The following SDK1 variants were observed in gnomAD, a reference collection of about 807,000 sequenced individuals.
The protein encoded by SDK1 is protein sidekick-1.
A neutral mutation model predicts 245.5 loss-of-function variants in SDK1; 157 were observed. The ratio of observed to expected loss-of-function variants is 0.64; its 90% confidence interval spans 0.56 to 0.73. SDK1 has a LOEUF of 0.73. SDK1 is among the 30% of genes least tolerant of loss of function. The probability of loss-of-function intolerance (pLI) is 0.00; values close to 1 mark genes in which losing one functional copy is unlikely to be tolerated. For synonymous variants in SDK1, 1,647 were observed against 1,278.5 expected (o/e 1.29, Z -6.15); for missense variants, 3,583 against 3,002.3 (o/e 1.19, Z -4.52).
chr7:3,998,977 A>G (rs1784876060), intron 14 of SDK1, among the ~76,000 whole-genome samples: 1 of 152,180 alleles, frequency 6.6e-6, no homozygotes, highest in South Asian at 2.1e-4. Context: ...AACTGCTTAG[A>G]ACATCTCCAT....
intron 1 of SDK1, among the ~76,000 whole-genome samples, chr7:3,564,947 G>A (rs1583171399): frequency 6.6e-6 from 1 of 152,084 alleles, no homozygotes; most frequent in Non-Finnish European, 1.5e-5. Flanking sequence ...CTGTTTAGGA[G>A]ACAAATCTGG....
chr7:3,968,084 ACT>A (rs781675746), intron 10 of SDK1, among the ~76,000 whole-genome samples: 1 of 152,164 alleles, frequency 6.6e-6, no homozygotes, highest in Non-Finnish European at 1.5e-5. Flanking sequence ...ATGTGAAGTC[ACT>A]CTGCTAGCAC....
rs762428800 is a variant in SDK1 at position 4,266,886 on chromosome 7, C to T, written c.*1502C>T. The T allele has an allele frequency of 5.3e-5, 52 of 985,506 alleles. No individual in the cohort carries two copies. Among genetic ancestry groups the T allele is most frequent in the Admixed American group, 3.1e-4 (5 of 16,292 alleles). 61.0% of individuals were successfully genotyped at this position (985,506 alleles called of 1,614,324 possible). A position where few individuals can be genotyped will look rare whatever the true frequency, so the allele number is the denominator to read the frequency against. On this transcript the variant is annotated 3_prime_UTR_variant, in exon 45 of 45. Transcript: ENST00000404826. ...TCAGTGCCCCCCAGTGCACGGCAAA[C>T]GGGCAGGTGCCGTTCCCCCAGTGAC... is the stretch of plus-strand genomic sequence containing the variant.
rs532649491 is a variant in SDK1 at position 3,433,592 on chromosome 7, A to G, written c.298+131708A>G. ...GAAACAATTTTCTAGCACAATGACT[A>G]AGTGAATTGCTACATTAAAGACTGG... On this transcript the variant is annotated intron_variant, in intron 1 of 44. Transcript: ENST00000404826. Among the ~76,000 whole-genome samples the G allele has an allele frequency of 7.2e-5, 11 of 152,298 alleles. No individual in the cohort carries two copies. In the Middle Eastern group the frequency reaches 0.017, roughly 235 times the overall value.
chr7:3,656,254 G>A (rs984915494), intron 4 of SDK1, among the ~76,000 whole-genome samples: 6 of 152,118 alleles, frequency 3.9e-5, no homozygotes, highest in African/African-American at 1.4e-4. Context: ...ACTCAAGTGA[G>A]TCCCACTGCT....
At chr7:3,614,070 C>T (rs1383571519) in intron 1 of SDK1, among the ~76,000 whole-genome samples, 1 of 152,136 alleles carries the variant, frequency 6.6e-6, no homozygotes, top group Non-Finnish European at 1.5e-5. Flanking sequence ...AACAAACCCC[C>T]ATAGCACAAG....
Position 4,145,714 on chromosome 7 carries a change from G to C in SDK1, c.4229-8G>C. On this transcript the variant is annotated splice_region_variant and splice_polypyrimidine_tract_variant and intron_variant, in intron 28 of 44. Coordinates refer to ENST00000404826, the MANE Select transcript of SDK1 (RefSeq NM_152744.4). ...TCAGCAGCTGTCTCCCATGTCACCT[G>C]CCTGCAGGGTACCAGATTGCCTACC... 1 of 1,594,582 alleles carries C rather than the reference G, an allele frequency of 6.3e-7. No individual in the cohort carries two copies. Among genetic ancestry groups the C allele is most frequent in the Non-Finnish European group, 8.5e-7 (1 of 1,169,930 alleles).
At chr7:4,226,630 G>A (rs1785463919) in intron 40 of SDK1, among the ~76,000 whole-genome samples, 2 of 152,296 alleles carry the variant, frequency 1.3e-5, no homozygotes, top group East Asian at 1.9e-4. Context: ...CAAGGACACC[G>A]CCACCAGCTT....
chr7:4,008,473 C>T (rs1186841838), intron 14 of SDK1, among the ~76,000 whole-genome samples: 1 of 152,388 alleles, frequency 6.6e-6, no homozygotes, highest in Non-Finnish European at 1.5e-5. Flanking sequence ...AAGTCCTGCC[C>T]CTGTACCCTT....
intron 1 of SDK1, among the ~76,000 whole-genome samples, chr7:3,345,997 T>C (rs1364542361): frequency 6.6e-6 from 1 of 152,206 alleles, no homozygotes; most frequent in African/African-American, 2.4e-5. Flanking sequence ...TCTTTTAGAA[T>C]AACCCCATTG....
At position 3,379,050 on chromosome 7, in the gene SDK1, A is replaced by C. The variant is rs113898119; in HGVS notation, c.298+77166A>C. 4.3e-3 allele frequency among the ~76,000 whole-genome samples: 649 copies of C among 152,244 alleles called. 9 individuals are homozygous for C. Among genetic ancestry groups the C allele is most frequent in the South Asian group, 0.018 (87 of 4,824 alleles). On this transcript the variant is annotated intron_variant, in intron 1 of 44. Coordinates refer to ENST00000404826, the MANE Select transcript of SDK1 (RefSeq NM_152744.4). Reference sequence around the variant, plus strand: ...GCCTGCTTCTCCTGGCCTGTGCTGCACTGATAATGGGATTATGCTGAGCTT... The same window carrying C: ...GCCTGCTTCTCCTGGCCTGTGCTGCCCTGATAATGGGATTATGCTGAGCTT...
At chr7:4,029,527 C>T (rs184977542) in intron 17 of SDK1, among the ~76,000 whole-genome samples, 3 of 152,082 alleles carry the variant, frequency 2.0e-5, no homozygotes, top group Admixed American at 6.5e-5. Context: ...CTTTCATTCA[C>T]TCATTCATTC....
chr7:3,975,505 A>G (rs1034952193), intron 13 of SDK1, among the ~76,000 whole-genome samples: 11 of 152,364 alleles, frequency 7.2e-5, no homozygotes, highest in African/African-American at 2.6e-4. Flanking sequence ...CTCCGAGTAT[A>G]GGAGCCGTGA....
intron 4 of SDK1, among the ~76,000 whole-genome samples, chr7:3,728,811 G>T (rs997563077): frequency 6.6e-6 from 1 of 151,946 alleles, no homozygotes; most frequent in African/African-American, 2.4e-5. Context: ...TCACCATGTT[G>T]GTCAGGCTGG....
At chr7:3,657,794 C>G (rs1183915281) in intron 4 of SDK1, among the ~76,000 whole-genome samples, 1 of 152,122 alleles carries the variant, frequency 6.6e-6, no homozygotes, top group East Asian at 1.9e-4. Flanking sequence ...TCACGACATG[C>G]TAGTAAAGAA....
chr7:4,130,236 T>C (rs1333626263), intron 27 of SDK1, 139 bp downstream of exon 27: 1 of 1,024,822 alleles, frequency 9.8e-7, no homozygotes, highest in Non-Finnish European at 1.4e-6. Context: ...CAAAACAAAA[T>C]TGTTTTTCAG....
chr7:3,983,867 A>T (rs979624404), intron 13 of SDK1, among the ~76,000 whole-genome samples: 5 of 152,278 alleles, frequency 3.3e-5, no homozygotes, highest in African/African-American at 1.2e-4. Context: ...CTTTGAGCCA[A>T]TGGAGTGACT....
At chr7:3,328,883 C>A (rs1779999362) in intron 1 of SDK1, among the ~76,000 whole-genome samples, 1 of 152,012 alleles carries the variant, frequency 6.6e-6, no homozygotes, top group Non-Finnish European at 1.5e-5. Context: ...AGTGATCATG[C>A]AGTGAACAAC....
chr7:3,901,470 G>A (rs1313951076), intron 5 of SDK1, among the ~76,000 whole-genome samples: 2 of 152,158 alleles, frequency 1.3e-5, no homozygotes, highest in African/African-American at 4.8e-5. Flanking sequence ...ACAGGTATGA[G>A]CCAAGTTAAC....
Sources: gnomAD v4.1 joint callset for allele counts (sites outside exome capture counted in the v4.1 genomes callset) on GRCh38, gnomAD v4.1.1 for gene constraint, MANE v1.5 for transcripts, NCBI Gene and HGNC (gene_info 2026-07-23, HGNC 2026-07-21) for gene names.